HEMK2: variants seen among roughly 807,000 people sequenced by gnomAD.
The protein encoded by HEMK2 is HemK methyltransferase 2, ETF1 glutamine and histone H4 lysine.
At chr21:28,815,924 T>C in the HEMK2 span, among the ~76,000 whole-genome samples, 3 of 152,140 alleles carry the variant, frequency 2.0e-5, no homozygotes, top group African/African-American at 7.2e-5. Context: ...AAAAATGTGA[T>C]TGTATTTTGA....
the HEMK2 span, among the ~76,000 whole-genome samples, chr21:28,838,972 A>AAATATATATATATATAT: frequency 1.0e-4 from 3 of 29,160 alleles, no homozygotes; most frequent in African/African-American, 3.9e-4. Flanking sequence ...AAAAAAAAAA[A>AAATATATATATATATAT]ATATATATAT....
chr21:28,813,215 C>A, the HEMK2 span, among the ~76,000 whole-genome samples: 1 of 152,144 alleles, frequency 6.6e-6, no homozygotes, highest in Admixed American at 6.5e-5. Flanking sequence ...ATCGTCTCAG[C>A]CCCAAATCTC....
chr21:28,676,472 T>A, the HEMK2 span, among the ~76,000 whole-genome samples: 1 of 151,502 alleles, frequency 6.6e-6, no homozygotes, highest in Non-Finnish European at 1.5e-5. Flanking sequence ...CTGATCATAA[T>A]CACAAAAGAC....
chr21:28,590,196 G>T, the HEMK2 span, among the ~76,000 whole-genome samples: 1 of 152,264 alleles, frequency 6.6e-6, no homozygotes, highest in East Asian at 1.9e-4. Context: ...AAAGCCTGCA[G>T]ATTCAACTAT....
chr21:28,732,818 A>G, the HEMK2 span, among the ~76,000 whole-genome samples: 1 of 152,116 alleles, frequency 6.6e-6, no homozygotes, highest in African/African-American at 2.4e-5. Flanking sequence ...TGAGTCTCAG[A>G]CCTGACCATT....
the HEMK2 span, among the ~76,000 whole-genome samples, chr21:28,600,128 C>T: frequency 3.3e-5 from 5 of 152,210 alleles, no homozygotes; most frequent in Non-Finnish European, 7.3e-5. Context: ...GCCCTCTTTT[C>T]ACAGCTTCAT....
chr21:28,719,588 A>G, the HEMK2 span, among the ~76,000 whole-genome samples: 2 of 152,260 alleles, frequency 1.3e-5, no homozygotes, highest in African/African-American at 4.8e-5. Context: ...TCTCAGGTAT[A>G]TCTTTACTAG....
the HEMK2 span, among the ~76,000 whole-genome samples, chr21:28,825,114 A>C: frequency 2.6e-5 from 4 of 152,190 alleles, no homozygotes; most frequent in African/African-American, 9.6e-5. Context: ...CTAAAGATCC[A>C]TGAAGGTGGG....
chr21:28,755,871 T>G, the HEMK2 span, among the ~76,000 whole-genome samples: 1 of 152,206 alleles, frequency 6.6e-6, no homozygotes, highest in Non-Finnish European at 1.5e-5. Context: ...CAGATGCCTA[T>G]ATGCATATAC....
the HEMK2 span, among the ~76,000 whole-genome samples, chr21:28,611,292 T>C: frequency 2.0e-5 from 3 of 152,316 alleles, no homozygotes; most frequent in Admixed American, 1.3e-4. Flanking sequence ...AACTTGTTCC[T>C]GAATGATCAT....
chr21:28,725,142 G>A, the HEMK2 span, among the ~76,000 whole-genome samples: 1 of 152,174 alleles, frequency 6.6e-6, no homozygotes, highest in South Asian at 2.1e-4. Context: ...TGATAGTCCT[G>A]ACTTCCATCC....
chr21:28,676,082 G>C, the HEMK2 span, among the ~76,000 whole-genome samples: 1 of 152,172 alleles, frequency 6.6e-6, no homozygotes, highest in Non-Finnish European at 1.5e-5. Flanking sequence ...AAGTACAAAA[G>C]CTAGCAAGGT....
At chr21:28,802,587 T>C in the HEMK2 span, among the ~76,000 whole-genome samples, 1 of 151,818 alleles carries the variant, frequency 6.6e-6, no homozygotes, top group Non-Finnish European at 1.5e-5. Context: ...AAAAATTAGC[T>C]GGGCATAGTG....
chr21:28,781,474 A>C, the HEMK2 span, among the ~76,000 whole-genome samples: 1 of 330 alleles, frequency 3.0e-3, no homozygotes, highest in Non-Finnish European at 5.6e-3. Context: ...AGGCTCAATA[A>C]TCTTGAAGGA....
the HEMK2 span, among the ~76,000 whole-genome samples, chr21:28,598,101 C>A: frequency 6.6e-6 from 1 of 152,100 alleles, no homozygotes; most frequent in Non-Finnish European, 1.5e-5. Context: ...CAGGTGTGCA[C>A]AAAAGTGTTC....
the HEMK2 span, among the ~76,000 whole-genome samples, chr21:28,726,600 T>C: frequency 1.3e-5 from 2 of 152,322 alleles, no homozygotes; most frequent in South Asian, 2.1e-4. Flanking sequence ...CATAGCATAG[T>C]AGTCTACCGT....
At chr21:28,734,525 GTTTTTACAT>G in the HEMK2 span, among the ~76,000 whole-genome samples, 1 of 152,176 alleles carries the variant, frequency 6.6e-6, no homozygotes, top group East Asian at 1.9e-4. Context: ...ATAATGAATT[GTTTTTACAT>G]GAAGTGTAAA....
the HEMK2 span, among the ~76,000 whole-genome samples, chr21:28,633,136 AG>A: frequency 6.6e-6 from 1 of 152,180 alleles, no homozygotes; most frequent in Non-Finnish European, 1.5e-5. Flanking sequence ...TCACTATAGA[AG>A]GAGTACTTGC....
the HEMK2 span, among the ~76,000 whole-genome samples, chr21:28,632,971 A>C: frequency 1.3e-5 from 2 of 152,194 alleles, no homozygotes; most frequent in Non-Finnish European, 2.9e-5. Flanking sequence ...AGAAATTTAT[A>C]GTCAGAGTCC....
Sources: gnomAD v4.1 joint callset for allele counts (sites outside exome capture counted in the v4.1 genomes callset) on GRCh38, gnomAD v4.1.1 for gene constraint, MANE v1.5 for transcripts, NCBI Gene and HGNC (gene_info 2026-07-23, HGNC 2026-07-21) for gene names.